EHMT1: variants seen among roughly 807,000 people sequenced by gnomAD.
EHMT1 encodes the protein euchromatic histone lysine methyltransferase 1.
A neutral mutation model predicts 147.2 loss-of-function variants in EHMT1; 15 were observed. The observed-to-expected ratio is 0.10, with a 90% CI of 0.07 to 0.16. EHMT1 has a LOEUF of 0.16. Ranked by LOEUF, EHMT1 falls within the 10% of genes least tolerant of loss-of-function variation. The probability of loss-of-function intolerance (pLI) is 1.00; values close to 1 mark genes in which losing one functional copy is unlikely to be tolerated. For synonymous variants in EHMT1, 795 were observed against 709.6 expected (o/e 1.12, Z -1.91); for missense variants, 1,587 against 1,772.4 (o/e 0.90, Z 1.88).
intron 3 of EHMT1, among the ~76,000 whole-genome samples, chr9:137,727,680 G>A (rs1564649449): frequency 6.6e-6 from 1 of 152,232 alleles, no homozygotes; most frequent in Non-Finnish European, 1.5e-5. Context: ...TGTAGGTGAC[G>A]AGGGAAGCAG....
At chr9:137,736,572 AT>A (rs1384004665) in intron 4 of EHMT1, among the ~76,000 whole-genome samples, 1 of 152,246 alleles carries the variant, frequency 6.6e-6, no homozygotes, top group African/African-American at 2.4e-5. Context: ...TAGGCCACAA[AT>A]AAGTCTCAAT....
intron 14 of EHMT1, among the ~76,000 whole-genome samples, chr9:137,781,981 G>C (rs1032125371): frequency 6.6e-6 from 1 of 152,160 alleles, no homozygotes; most frequent in African/African-American, 2.4e-5. Flanking sequence ...CACTGGGCCT[G>C]GGGCGGCCAT....
At chr9:137,681,223 C>T (rs2134547823) in intron 1 of EHMT1, among the ~76,000 whole-genome samples, 1 of 152,256 alleles carries the variant, frequency 6.6e-6, no homozygotes, top group South Asian at 2.1e-4. Context: ...GGGGAGCTGT[C>T]CTGCTGGGGC....
chr9:137,679,573 T>C (rs750801229), intron 1 of EHMT1, among the ~76,000 whole-genome samples: 3 of 152,210 alleles, frequency 2.0e-5, no homozygotes, highest in African/African-American at 4.8e-5. Flanking sequence ...ACTGATGGGG[T>C]TGAGCATTTT....
At chr9:137,818,223 A>G in intron 25 of EHMT1, 85 bp downstream of exon 25, 1 of 1,435,586 alleles carries the variant, frequency 7.0e-7, no homozygotes, top group Non-Finnish European at 9.8e-7. Flanking sequence ...GCTGGGATTC[A>G]GAAGAGAGCT....
At chr9:137,688,147 C>T (rs570347344) in intron 1 of EHMT1, among the ~76,000 whole-genome samples, 48 of 152,256 alleles carry the variant, frequency 3.2e-4, no homozygotes, top group Admixed American at 9.2e-4. Flanking sequence ...CCTCAGCCTC[C>T]CAAGTAACTG....
rs768764806 is a variant in EHMT1 at position 137,716,769 on chromosome 9, G to T, written c.229G>T (p.Ala77Ser). The T allele has an allele frequency of 3.1e-6, 5 of 1,612,886 alleles. No homozygotes were observed. The East Asian group carries it at 1.1e-4, about 36-fold the overall frequency. The change falls in exon 3 of 27, where the codon GCA (alanine) becomes TCA (serine). Residue 77 changes from alanine to serine, a missense_variant. Around this residue, in one of 7 missense-constraint regions of EHMT1, gnomAD observed 810 missense variants for 673.0 expected, o/e 1.20. Coordinates refer to ENST00000460843, the MANE Select transcript of EHMT1 (RefSeq NM_024757.5). ...ANAAKHTQDS[A>S]RVNPQDGTNT... ...TGCTGCAAAGCACACTCAGGACAGC[G>T]CAAGGGTCAACCCCCAGGATGGCAC...
chr9:137,629,182 TC>T (rs1404451329), intron 1 of EHMT1, among the ~76,000 whole-genome samples: 4 of 150,922 alleles, frequency 2.7e-5, no homozygotes, highest in Non-Finnish European at 5.9e-5. Flanking sequence ...AACCTCCGCC[TC>T]CCAGGTTCAA....
chr9:137,738,750 A>C (rs1947783910), intron 4 of EHMT1: 1 of 152,202 alleles, frequency 6.6e-6, no homozygotes, highest in Non-Finnish European at 1.5e-5. Context: ...TGCAGCGTGG[A>C]TGAGCCTCGG....
intron 3 of EHMT1, among the ~76,000 whole-genome samples, chr9:137,717,786 A>G (rs1294764917): frequency 1.3e-5 from 2 of 152,116 alleles, no homozygotes; most frequent in Non-Finnish European, 2.9e-5. Context: ...TGCTTTGGAC[A>G]TTGGGGCTTT....
Position 137,777,783 on chromosome 9 carries a change from G to A in EHMT1, c.2019-99G>A, listed in dbSNP as rs867746371. 28 of 1,527,536 alleles carry A rather than the reference G, an allele frequency of 1.8e-5. No individual in the cohort carries two copies. In the African/African-American group the frequency reaches 2.0e-4, roughly 11 times the overall value. The allele number at this position is 1,527,536 out of a possible 1,614,324, so 94.6% of individuals were successfully genotyped here. A position where few individuals can be genotyped will look rare whatever the true frequency, so the allele number is the denominator to read the frequency against. On this transcript the variant is annotated intron_variant, in intron 12 of 26. Coordinates refer to ENST00000460843, the MANE Select transcript of EHMT1 (RefSeq NM_024757.5). ...GACTAAGCGGACAGTAAGCAAATCCGCAGCTCTCACTTAGAAAACAGCGCT... is the reference window on the plus strand; with the variant it reads ...GACTAAGCGGACAGTAAGCAAATCCACAGCTCTCACTTAGAAAACAGCGCT...
At chr9:137,823,264 A>G (rs1414125078) in intron 25 of EHMT1, among the ~76,000 whole-genome samples, 4 of 150,910 alleles carry the variant, frequency 2.7e-5, no homozygotes, top group Non-Finnish European at 4.4e-5. Flanking sequence ...ACGCCCAGCT[A>G]ATTTTTTGTA....
intron 1 of EHMT1, among the ~76,000 whole-genome samples, chr9:137,662,764 G>A (rs1233066547): frequency 2.1e-5 from 3 of 145,276 alleles, no homozygotes; most frequent in East Asian, 2.0e-4. Flanking sequence ...GAGCCACCGC[G>A]GCTGGCCTGA....
chr9:137,666,148 T>TG (rs1269503309), intron 1 of EHMT1: 2 of 152,314 alleles, frequency 1.3e-5, no homozygotes, highest in Non-Finnish European at 2.9e-5. Flanking sequence ...GCTGTGATGG[T>TG]GGGGACACCT....
At chr9:137,635,582 A>G (rs917475616) in intron 1 of EHMT1, among the ~76,000 whole-genome samples, 1 of 149,854 alleles carries the variant, frequency 6.7e-6, no homozygotes, top group African/African-American at 2.4e-5. Context: ...GCACTTTGGG[A>G]GGCCGAGGTG....
chr9:137,687,489 G>A (rs1176117792), intron 1 of EHMT1, among the ~76,000 whole-genome samples: 1 of 152,108 alleles, frequency 6.6e-6, no homozygotes, highest in Non-Finnish European at 1.5e-5. Context: ...AGGTGGAGGA[G>A]TTTAGGTAGA....
At chr9:137,683,069 A>G (rs891472070) in intron 1 of EHMT1, among the ~76,000 whole-genome samples, 1 of 152,254 alleles carries the variant, frequency 6.6e-6, no homozygotes, top group African/African-American at 2.4e-5. Flanking sequence ...ATTCAGTTAT[A>G]TTAATAAGCA....
chr9:137,824,108 T>C (rs1189996416), intron 25 of EHMT1, among the ~76,000 whole-genome samples: 1 of 152,124 alleles, frequency 6.6e-6, no homozygotes, highest in Non-Finnish European at 1.5e-5. Context: ...AGAAGTCTTA[T>C]GTAAAAATGC....
intron 1 of EHMT1, among the ~76,000 whole-genome samples, chr9:137,663,192 G>A (rs1939270818): frequency 1.3e-5 from 2 of 152,060 alleles, no homozygotes; most frequent in Admixed American, 6.6e-5. Context: ...TTATTCATTT[G>A]TACCTTCTTT....
Sources: gnomAD v4.1 joint callset for allele counts (sites outside exome capture counted in the v4.1 genomes callset) on GRCh38, gnomAD v4.1.1 for gene constraint, gnomAD v4.1.1 regional missense constraint, MANE v1.5 for transcripts, NCBI Gene and HGNC (gene_info 2026-07-23, HGNC 2026-07-21) for gene names.